Variants in DCHS2 observed in about 807,000 individuals in gnomAD.
DCHS2 encodes dachsous cadherin-related 2, also known as protocadherin-23.
A neutral mutation model predicts 182.4 loss-of-function variants in DCHS2; 142 were observed. The ratio of observed to expected loss-of-function variants is 0.78; its 90% CI spans 0.68 to 0.89. The LOEUF (loss-of-function observed/expected upper bound fraction) is 0.89. DCHS2 is among the 40% of genes least tolerant of loss of function. The probability of loss-of-function intolerance (pLI) is 0.00; values close to 1 mark genes in which losing one functional copy is unlikely to be tolerated. For missense variants in DCHS2, 4,319 were observed against 4,198.6 expected (o/e 1.03, Z -0.79); for synonymous variants, 1,740 against 1,663.3 (o/e 1.05, Z -1.12).
At chr4:154,367,959 C>T (rs374690571) in intron 2 of DCHS2, among the ~76,000 whole-genome samples, 1 of 152,142 alleles carries the variant, frequency 6.6e-6, no homozygotes, top group African/African-American at 2.4e-5. Context: ...GTACTCCAGG[C>T]TTTGAGGACT....
At chr4:154,279,379 C>T (rs1196304712) in intron 13 of DCHS2, among the ~76,000 whole-genome samples, 1 of 151,946 alleles carries the variant, frequency 6.6e-6, no homozygotes, top group Non-Finnish European at 1.5e-5. Context: ...CATAGAAGAA[C>T]ACACAAATAA....
chr4:154,274,140 C>T (rs1249265681), intron 13 of DCHS2, among the ~76,000 whole-genome samples: 2 of 152,128 alleles, frequency 1.3e-5, no homozygotes, highest in Admixed American at 1.3e-4. Context: ...GTCAGCCTAT[C>T]GCTGTCAGCA....
At chr4:154,431,686 G>A (rs1240623368) in intron 1 of DCHS2, among the ~76,000 whole-genome samples, 5 of 152,122 alleles carry the variant, frequency 3.3e-5, no homozygotes. Context: ...GTCCCATGAG[G>A]ACATAGGGAT....
chr4:154,268,240 A>C (rs956486282), intron 14 of DCHS2, among the ~76,000 whole-genome samples: 15 of 60,492 alleles, frequency 2.5e-4, no homozygotes, highest in East Asian at 1.3e-3. Flanking sequence ...TCCCCCCCCC[A>C]AAAAAATAAC....
chr4:154,307,353 A>G (rs1561029352), intron 10 of DCHS2, among the ~76,000 whole-genome samples: 2 of 151,956 alleles, frequency 1.3e-5, no homozygotes. Context: ...ACTAAAAGAT[A>G]TGTGTGTGTG....
At chr4:154,444,032 G>A (rs1375988110) in intron 1 of DCHS2, among the ~76,000 whole-genome samples, 1 of 151,942 alleles carries the variant, frequency 6.6e-6, no homozygotes, top group African/African-American at 2.4e-5. Flanking sequence ...TCTCCTCCCT[G>A]CCCAGCTGCT....
At chr4:154,432,491 A>G (rs900869985) in intron 1 of DCHS2, among the ~76,000 whole-genome samples, 3 of 152,228 alleles carry the variant, frequency 2.0e-5, no homozygotes, top group Non-Finnish European at 4.4e-5. Context: ...GGGAGGAAAT[A>G]ATAGGAGTTA....
Position 154,403,169 on chromosome 4 carries a change from A to G in DCHS2, c.2053-25725T>C, listed in dbSNP as rs181443544. On this transcript the variant is annotated intron_variant, in intron 1 of 19. Transcript: ENST00000357232. ...GCCTTTTATTTCTTTTCCTTGCCTT[A>G]CTATTCTGACAAGGACCTTCATATT... Among the ~76,000 whole-genome samples, 307 of 152,164 alleles carry G rather than the reference A, an allele frequency of 2.0e-3. 1 individual carries two copies. The highest frequency in any genetic ancestry group is 5.5e-3 in the African/African-American group (228 of 41,524).
chr4:154,340,566 G>A (rs1375396961), intron 3 of DCHS2, among the ~76,000 whole-genome samples: 1 of 152,122 alleles, frequency 6.6e-6, no homozygotes, highest in African/African-American at 2.4e-5. Context: ...TGAGGTTCCC[G>A]ATGATTTGAC....
chr4:154,368,877 G>C (rs1730515967), intron 2 of DCHS2, among the ~76,000 whole-genome samples: 1 of 152,178 alleles, frequency 6.6e-6, no homozygotes, highest in African/African-American at 2.4e-5. Flanking sequence ...ACAGAGGCTG[G>C]GCAGAATCCA....
At chr4:154,374,173 G>A (rs1730783017) in intron 2 of DCHS2, 10 of 504,484 alleles carry the variant, frequency 2.0e-5, no homozygotes, top group Admixed American at 3.7e-5. Context: ...ATTTGCAGGG[G>A]AGCTTGCTTC....
rs1434839980 is a variant in DCHS2, at chr4:154,490,079, A to G, written c.1277T>C (p.Val426Ala). The G allele has an allele frequency of 6.5e-7, 1 of 1,549,336 alleles. No homozygotes were observed. Among genetic ancestry groups the G allele is most frequent in the Non-Finnish European group, 8.7e-7 (1 of 1,146,742 alleles). The part of the protein sequence containing the change: ...LFLTEGGVAR[V>A]SEGARPGDYV... ...GTCGCCCGGTCGGGCGCCTTCAGAG[A>G]CACGGGCGACGCCTCCCTCTGTGAG... Residue 426 changes from valine (V) to alanine (A), a missense_variant, in exon 1 of 20, where the codon GTC (valine) becomes GCC (alanine). By Grantham distance (64) the Val-to-Ala change is moderately conservative (BLOSUM62 0). Transcript: ENST00000357232.
At chr4:154,347,928 A>G (rs1421455725) in intron 3 of DCHS2, among the ~76,000 whole-genome samples, 2 of 151,954 alleles carry the variant, frequency 1.3e-5, no homozygotes, top group Non-Finnish European at 2.9e-5. Flanking sequence ...TATCTAAACC[A>G]GTCCTGGATA....
chr4:154,373,704 C>T (rs17031533), intron 2 of DCHS2, among the ~76,000 whole-genome samples: 1,860 of 152,250 alleles, frequency 0.012, 35 homozygotes, highest in African/African-American at 0.041. Flanking sequence ...GGCCCTGCTT[C>T]CAAGAGGGTT....
chr4:154,450,035 G>T (rs1484652489), intron 1 of DCHS2, among the ~76,000 whole-genome samples: 3 of 152,152 alleles, frequency 2.0e-5, no homozygotes, highest in African/African-American at 7.2e-5. Flanking sequence ...CATGCAAGTG[G>T]ATCTTCAAGA....
chr4:154,314,319 C>T (rs185561202), intron 10 of DCHS2, among the ~76,000 whole-genome samples: 9 of 152,206 alleles, frequency 5.9e-5, no homozygotes, highest in Admixed American at 1.3e-4. Flanking sequence ...TATTGTGAAA[C>T]ACAAAGCTTA....
chr4:154,466,089 ACTTC>A (rs1314893240), intron 1 of DCHS2, among the ~76,000 whole-genome samples: 1 of 152,168 alleles, frequency 6.6e-6, no homozygotes, highest in Non-Finnish European at 1.5e-5. Flanking sequence ...TCAAATTTCT[ACTTC>A]CCAGCATGCT....
intron 13 of DCHS2, among the ~76,000 whole-genome samples, chr4:154,275,344 T>C (rs2111219063): frequency 6.6e-6 from 1 of 152,204 alleles, no homozygotes; most frequent in East Asian, 1.9e-4. Context: ...TGTAACAAAG[T>C]TTAAAAATCA....
rs762240149 is a variant in DCHS2, at chr4:154,490,592, T to C, written c.764A>G (p.Asp255Gly). 16 of 1,546,236 alleles carry C rather than the reference T, an allele frequency of 1.0e-5. 1 individual carries two copies. The South Asian group carries it at 1.9e-4, about 18-fold the overall frequency. ...PLDLVLLRRLDREEAAAHRLQ... is the reference protein window; with the variant it reads ...PLDLVLLRRLGREEAAAHRLQ... ...CCGGTGCGCCGCCGCCTCCTCTCGG[T>C]CCAAGCGCCGCAGCAGCACCAGATC... Residue 255 changes from aspartate to glycine, a missense_variant, in exon 1 of 20, where the codon GAC becomes GGC. Asp to Gly is a moderately conservative substitution (Grantham distance 94). Coordinates refer to ENST00000357232, the MANE Select transcript of DCHS2 (RefSeq NM_001358235.2).
Sources: allele counts gnomAD v4.1 joint callset (sites outside exome capture counted in the v4.1 genomes callset), GRCh38; gene constraint gnomAD v4.1.1; transcripts MANE v1.5; gene names NCBI Gene and HGNC (gene_info 2026-07-23, HGNC 2026-07-21).